Variants in PTGER3 observed in about 807,000 individuals in gnomAD.
PTGER3 encodes prostaglandin E2 receptor EP3 subtype.
PTGER3 carries 22 observed loss-of-function variants against 34.7 expected under a neutral mutation model. The observed-to-expected ratio is 0.63, with a 90% CI of 0.45 to 0.91. The LOEUF (loss-of-function observed/expected upper bound fraction) is 0.91. PTGER3 is among the 40% of genes least tolerant of loss of function. The pLI is 0.00. For synonymous variants in PTGER3, 241 were observed against 230.1 expected (o/e 1.05, Z -0.43); for missense variants, 468 against 519.4 (o/e 0.90, Z 0.96).
At chr1:70,938,994 G>T (rs901028042) in intron 4 of PTGER3, among the ~76,000 whole-genome samples, 2 of 151,990 alleles carry the variant, frequency 1.3e-5, no homozygotes, top group African/African-American at 4.8e-5. Flanking sequence ...GTCCACAATT[G>T]AAAGTCTCAT....
intron 2 of PTGER3, among the ~76,000 whole-genome samples, chr1:70,963,744 A>T (rs971351494): frequency 6.6e-6 from 1 of 152,134 alleles, no homozygotes; most frequent in Non-Finnish European, 1.5e-5. Flanking sequence ...GGTCTCCAAC[A>T]TGCCCTGGAG....
At chr1:71,006,261 T>C (rs751349645) in intron 2 of PTGER3, 15 of 985,430 alleles carry the variant, frequency 1.5e-5, no homozygotes, top group Non-Finnish European at 1.8e-5. Context: ...GAATTCTCCT[T>C]GGATATCTTT....
At chr1:70,992,515 T>C (rs566402612) in intron 2 of PTGER3, among the ~76,000 whole-genome samples, 2 of 152,364 alleles carry the variant, frequency 1.3e-5, no homozygotes, top group East Asian at 1.9e-4. Context: ...TAGCGCTCTG[T>C]TGAACCAGTT....
At chr1:70,947,493 T>C (rs1557676609), downstream of PTGER3, 2 of 152,460 alleles carry the variant, frequency 1.3e-5, no homozygotes, top group Admixed American at 6.5e-5. Flanking sequence ...CAATTAAACC[T>C]CTTTTTCTTC....
In PTGER3 at chr1:71,018,674, T is replaced by C. The variant is rs34885906; in HGVS notation, c.898-6190A>G. On this transcript the variant is annotated intron_variant, in intron 1 of 3. Coordinates refer to ENST00000306666, the MANE Select transcript of PTGER3 (RefSeq NM_198719.2). The stretch of plus-strand genomic sequence containing the variant: ...TAAAGAATTGGATTTCTCTAACTTT[T>C]TGTGATCAGGAAAATTCACAAAATT... 4.1e-3 allele frequency among the ~76,000 whole-genome samples: 632 copies of C among 152,294 alleles called. 29 individuals are homozygous for C. The East Asian group carries it at 0.099, about 24-fold the overall frequency.
Position 71,019,580 on chromosome 1 carries a change from G to GA in PTGER3, c.898-7097dup, listed in dbSNP as rs1230152441. Among the ~76,000 whole-genome samples the GA allele has an allele frequency of 2.6e-5, 4 of 152,038 alleles. No individual in the cohort carries two copies. The East Asian group carries it at 7.7e-4, about 29-fold the overall frequency. ...ACAATTACCTTGTTCCATCCTAAAG[G>GA]AAAAAAATGATTTACCCTTTCCCCA... On this transcript the variant is annotated intron_variant, in intron 1 of 3. Transcript: ENST00000306666.
At chr1:70,949,770 A>G (rs1222528658), downstream of PTGER3, among the ~76,000 whole-genome samples, 1 of 152,180 alleles carries the variant, frequency 6.6e-6, no homozygotes, top group African/African-American at 2.4e-5. Context: ...TATCCTGTCC[A>G]ATATGATTAC....
intron 4 of PTGER3, among the ~76,000 whole-genome samples, chr1:70,925,497 A>G (rs1429010190): frequency 6.6e-6 from 1 of 152,220 alleles, no homozygotes; most frequent in East Asian, 1.9e-4. Flanking sequence ...TGTACATAAT[A>G]GCTAAACTTA....
At chr1:70,994,124 C>T (rs539935452) in intron 2 of PTGER3, among the ~76,000 whole-genome samples, 7 of 152,284 alleles carry the variant, frequency 4.6e-5, no homozygotes, top group South Asian at 2.1e-4. Context: ...CTAGCCTGGC[C>T]GCTCACCTCT....
intron 4 of PTGER3, chr1:70,862,228 C>A: frequency 2.5e-6 from 2 of 797,850 alleles, no homozygotes; most frequent in East Asian, 7.1e-5. Flanking sequence ...ATACATAAAA[C>A]AAATGGAGAT....
At chr1:70,961,824 A>G (rs77555104) in intron 2 of PTGER3, among the ~76,000 whole-genome samples, 1,916 of 152,304 alleles carry the variant, frequency 0.013, 20 homozygotes, top group Middle Eastern at 0.075. Flanking sequence ...GAACAATTAG[A>G]GATTTCCAAA....
rs1352587547 is a variant in PTGER3 at position 70,897,444 on chromosome 1, AGAG to A, written c.*24-44588_*24-44586del. Among the ~76,000 whole-genome samples the A allele has an allele frequency of 7.9e-5, 12 of 152,332 alleles. No homozygotes were observed. In the South Asian group the frequency reaches 1.9e-3, roughly 24 times the overall value. ...ATGAGAACCTCTACCCTCGTTGAAT[AGAG>A]GAGAACACATGGGATCAAATAATTG... On this transcript the variant is annotated intron_variant, in intron 4 of 4. Coordinates refer to the PTGER3 transcript ENST00000370931.
chr1:71,017,516 CAAATTCTAATCCTCAGTGTTGGAG>C (rs1658013477), intron 1 of PTGER3, among the ~76,000 whole-genome samples: 2 of 152,122 alleles, frequency 1.3e-5, no homozygotes, highest in Non-Finnish European at 2.9e-5. Context: ...AATCTCATGT[CAAATTCTAATCCTCAGTGTTGGAG>C]AAGGGGCTTG....
intron 2 of PTGER3, among the ~76,000 whole-genome samples, chr1:70,954,145 C>A (rs907212130): frequency 1.3e-5 from 2 of 152,118 alleles, no homozygotes; most frequent in African/African-American, 4.8e-5. Flanking sequence ...ACTAAGATAG[C>A]TGCATTTTAA....
intron 1 of PTGER3, among the ~76,000 whole-genome samples, chr1:71,021,629 G>GT (rs1332530220): frequency 6.6e-6 from 1 of 151,700 alleles, no homozygotes; most frequent in Non-Finnish European, 1.5e-5. Context: ...AGATTTCAGA[G>GT]TTTTTTCCTC....
chr1:71,022,330 A>T (rs899109484), intron 1 of PTGER3, among the ~76,000 whole-genome samples: 1 of 148,982 alleles, frequency 6.7e-6, no homozygotes, highest in African/African-American at 2.5e-5. Context: ...TGTATGTTCA[A>T]AACATTTAGC....
chr1:70,952,799 A>T, exon 4 of PTGER3: 1 of 1,377,588 alleles, frequency 7.3e-7, no homozygotes, highest in Non-Finnish European at 9.4e-7. Flanking sequence ...TTTCCGAGTC[A>T]ATCAACACAT....
chr1:71,012,004 C>T, intron 2 of PTGER3: 1 of 1,384,578 alleles, frequency 7.2e-7, no homozygotes. Context: ...TCAACAAAAA[C>T]ACTAGACTGT....
intron 1 of PTGER3, among the ~76,000 whole-genome samples, chr1:71,029,465 T>A (rs1376055880): frequency 1.3e-5 from 2 of 152,202 alleles, no homozygotes; most frequent in African/African-American, 4.8e-5. Flanking sequence ...CAAGTTGTCA[T>A]CAATAGAACA....
Sources: gnomAD v4.1 joint callset for allele counts (sites outside exome capture counted in the v4.1 genomes callset) on GRCh38, gnomAD v4.1.1 for gene constraint, MANE v1.5 for transcripts, NCBI Gene and HGNC (gene_info 2026-07-23, HGNC 2026-07-21) for gene names.